The following PDE4D variants were observed in gnomAD, a reference collection of about 807,000 sequenced individuals.
The protein encoded by PDE4D is 3',5'-cyclic-AMP phosphodiesterase 4D.
PDE4D carries 24 observed loss-of-function variants against 87.4 expected under a neutral mutation model. That is an observed-to-expected ratio of 0.27 (90% CI 0.20 to 0.39). The LOEUF is 0.39. Among genes scored for constraint, PDE4D ranks in the 10% least tolerant of loss-of-function variants. The probability of loss-of-function intolerance (pLI) is 1.00; values close to 1 mark genes in which losing one functional copy is unlikely to be tolerated. For synonymous variants in PDE4D, 384 were observed against 383.2 expected, an observed-to-expected ratio of 1.00 and a Z score of -0.02; for missense variants, 714 against 1,041.0, an observed-to-expected ratio of 0.69 and a Z score of 4.32.
intron 2 of PDE4D, among the ~76,000 whole-genome samples, chr5:60,118,076 GTTGTT>G: frequency 6.6e-6 from 1 of 152,120 alleles, no homozygotes; most frequent in Non-Finnish European, 1.5e-5. Flanking sequence ...TTTTGTTGTT[GTTGTT>G]TCTAGGCCAC....
At chr5:59,731,725 G>C (rs1053371487) in intron 1 of PDE4D, among the ~76,000 whole-genome samples, 10 of 152,026 alleles carry the variant, frequency 6.6e-5, no homozygotes, top group African/African-American at 2.4e-4. Context: ...CATTAATTTA[G>C]GTTTTGTTGG....
chr5:60,055,429 T>C (rs1303143519), intron 2 of PDE4D, among the ~76,000 whole-genome samples: 1 of 152,082 alleles, frequency 6.6e-6, no homozygotes, highest in African/African-American at 2.4e-5. Context: ...AAGTAAGTTA[T>C]AAAATTTGTT....
chr5:59,603,023 A>G (rs1273305894), intron 1 of PDE4D, among the ~76,000 whole-genome samples: 1 of 152,064 alleles, frequency 6.6e-6, no homozygotes, highest in African/African-American at 2.4e-5. Context: ...CATACCATAT[A>G]TAAAAATCAA....
intron 1 of PDE4D, among the ~76,000 whole-genome samples, chr5:59,874,171 C>CTGT (rs781548777): frequency 7.0e-4 from 106 of 152,194 alleles, no homozygotes; most frequent in Non-Finnish European, 1.2e-3. Context: ...CCACTGCACC[C>CTGT]CAGCCTGAGT....
intron 1 of PDE4D, among the ~76,000 whole-genome samples, chr5:59,762,587 C>T (rs1367490593): frequency 7.8e-6 from 1 of 127,578 alleles, no homozygotes; most frequent in Non-Finnish European, 1.7e-5. Context: ...TATGGGTACA[C>T]ATATGTGTAT....
intron 2 of PDE4D, among the ~76,000 whole-genome samples, chr5:60,159,022 T>C (rs1270975984): frequency 3.9e-5 from 6 of 152,252 alleles, no homozygotes; most frequent in Non-Finnish European, 1.5e-5. Context: ...TTTACAACTG[T>C]AGAAGAATAT....
chr5:60,012,735 ACAT>A (rs1765134554), intron 2 of PDE4D, among the ~76,000 whole-genome samples: 1 of 152,190 alleles, frequency 6.6e-6, no homozygotes, highest in African/African-American at 2.4e-5. Context: ...TTTTAGGAAA[ACAT>A]CATATTCTCA....
chr5:59,864,606 C>T lies in PDE4D; in HGVS notation c.455+28562G>A, dbSNP rs535695100. The stretch of plus-strand genomic sequence containing the variant: ...AAGAGCTGGGTATATGTATAGAATG[C>T]CTGACGTGTGCCTATGAATAGTTAG... On this transcript the variant is annotated intron_variant, in intron 1 of 14. Coordinates refer to ENST00000340635, the MANE Select transcript of PDE4D (RefSeq NM_001104631.2). 3.0e-4 allele frequency among the ~76,000 whole-genome samples: 45 copies of T among 152,262 alleles called. No homozygotes were observed. In the South Asian group the frequency reaches 6.4e-3, roughly 22 times the overall value.
At chr5:59,097,465 C>T (rs1485796704) in intron 5 of PDE4D, among the ~76,000 whole-genome samples, 1 of 152,118 alleles carries the variant, frequency 6.6e-6, no homozygotes, top group East Asian at 1.9e-4. Context: ...TCCCTTCTAC[C>T]CTCCACTCTC....
intron 1 of PDE4D, among the ~76,000 whole-genome samples, chr5:59,651,934 A>G (rs1743572370): frequency 6.6e-6 from 1 of 152,196 alleles, no homozygotes; most frequent in African/African-American, 2.4e-5. Context: ...AAATTGCCTT[A>G]GCTAAAGAGC....
intron 5 of PDE4D, among the ~76,000 whole-genome samples, chr5:59,089,736 A>G (rs1029095547): frequency 6.6e-6 from 1 of 152,192 alleles, no homozygotes; most frequent in African/African-American, 2.4e-5. Context: ...ATATAATAGT[A>G]GAGTGCATTT....
At chr5:59,106,388 C>T (rs1190286499) in intron 5 of PDE4D, among the ~76,000 whole-genome samples, 2 of 152,240 alleles carry the variant, frequency 1.3e-5, no homozygotes, top group Non-Finnish European at 2.9e-5. Context: ...TTCTCAGTCA[C>T]TTCTGTAAAA....
chr5:59,573,483 T>C (rs2153696562), intron 1 of PDE4D, among the ~76,000 whole-genome samples: 1 of 152,162 alleles, frequency 6.6e-6, no homozygotes, highest in East Asian at 1.9e-4. Context: ...GAGGGATCTG[T>C]TTATGGAGTA....
intron 1 of PDE4D, among the ~76,000 whole-genome samples, chr5:60,211,150 G>A (rs1288206888): frequency 6.6e-6 from 1 of 152,194 alleles, no homozygotes; most frequent in African/African-American, 2.4e-5. Context: ...ACGCTCAGTA[G>A]ACCAAGAACG....
chr5:59,444,180 T>C (rs1562199885), intron 1 of PDE4D, among the ~76,000 whole-genome samples: 4 of 152,282 alleles, frequency 2.6e-5, no homozygotes, highest in South Asian at 2.1e-4. Context: ...ACTTACAGCA[T>C]AGTGAGAAAA....
intron 1 of PDE4D, among the ~76,000 whole-genome samples, chr5:60,439,254 C>T (rs1411842087): frequency 6.6e-6 from 1 of 150,446 alleles, no homozygotes; most frequent in East Asian, 1.9e-4. Flanking sequence ...ATGTTTTTTA[C>T]AGGATAATAG....
chr5:59,756,222 T>G (rs1761196695), intron 1 of PDE4D, among the ~76,000 whole-genome samples: 1 of 151,978 alleles, frequency 6.6e-6, no homozygotes, highest in South Asian at 2.1e-4. Flanking sequence ...ACATTTCTTT[T>G]GTAAGCTTAG....
chr5:59,869,697 C>A (rs986718911), intron 1 of PDE4D, among the ~76,000 whole-genome samples: 4 of 152,074 alleles, frequency 2.6e-5, no homozygotes, highest in Non-Finnish European at 4.4e-5. Context: ...GAGGTTCAAA[C>A]AATAGTCCTT....
chr5:59,041,338 T>C (rs925907135), intron 5 of PDE4D, among the ~76,000 whole-genome samples: 2 of 152,236 alleles, frequency 1.3e-5, no homozygotes, highest in African/African-American at 4.8e-5. Context: ...AACAATACTT[T>C]CGCCTATGGC....
Sources: allele counts gnomAD v4.1 joint callset (sites outside exome capture counted in the v4.1 genomes callset), GRCh38; gene constraint gnomAD v4.1.1; transcripts MANE v1.5; gene names NCBI Gene and HGNC (gene_info 2026-07-23, HGNC 2026-07-21).